Variants in CDK18 observed in about 807,000 individuals in gnomAD.
CDK18 encodes cyclin-dependent kinase 18.
Under a neutral mutation model 62.0 loss-of-function variants are expected in CDK18, and 52 were observed. The ratio of observed to expected loss-of-function variants is 0.84; its 90% CI spans 0.67 to 1.06. The LOEUF (loss-of-function observed/expected upper bound fraction) is 1.06. Ranked by LOEUF, CDK18 falls within the 50% of genes least tolerant of loss-of-function variation. CDK18 has a pLI of 0.00. For missense variants in CDK18, 604 were observed against 619.9 expected, an observed-to-expected ratio of 0.97 and a Z score of 0.27; for synonymous variants, 237 against 247.0, an observed-to-expected ratio of 0.96 and a Z score of 0.38.
chr1:205,521,991 G>A (rs554470762), intron 1 of CDK18, among the ~76,000 whole-genome samples: 2 of 152,330 alleles, frequency 1.3e-5, no homozygotes, highest in South Asian at 2.1e-4. Context: ...TTGCCAGCAT[G>A]GGTGGAAGCC....
rs1668227505 is a variant in CDK18, at chr1:205,523,245, C to T, written c.78C>T (p.Ser26=). The part of the protein sequence containing the change: ...SVPRTETIEE[S]LAEFTEQFNQ... The stretch of plus-strand genomic sequence containing the variant: ...CCCGCACTGAGACCATTGAAGAATC[C>T]TTGGCTGAATTCACGGAGCAATTCA... Residue 26 remains serine, a synonymous_variant, in exon 2 of 16, where the codon TCC becomes TCT. Transcript: ENST00000429964. 1 of 1,614,162 alleles carries T rather than the reference C, an allele frequency of 6.2e-7. No homozygotes were observed. The highest frequency in any genetic ancestry group is 8.5e-7 in the Non-Finnish European group (1 of 1,180,014).
At chr1:205,521,287 C>T (rs1668114380) in intron 1 of CDK18, among the ~76,000 whole-genome samples, 1 of 152,254 alleles carries the variant, frequency 6.6e-6, no homozygotes, top group Non-Finnish European at 1.5e-5. Context: ...TCTCCACTCA[C>T]TGCAACCTCC....
In CDK18 at chr1:205,511,050, G is replaced by T. The variant is rs193143211; in HGVS notation, c.-22+6254G>T. On this transcript the variant is annotated intron_variant, in intron 1 of 15. Transcript: ENST00000429964. ...CTACCTCGCAAAGAAATGGATGCTG[G>T]ATTCAAACACTACACAGGCACTGGA... Among the ~76,000 whole-genome samples, 22 of 152,344 alleles carry T rather than the reference G, an allele frequency of 1.4e-4. No individual in the cohort carries two copies. The East Asian group carries it at 4.2e-3, about 29-fold the overall frequency.
Position 205,530,319 on chromosome 1 carries a change from C to G in CDK18, c.1282C>G (p.Leu428Val), listed in dbSNP as rs776909148. ...CCTGAGTCACTCCTACTTCCGGTCT[C>G]TGGGAGAGCGTGTGCACCAGCTTGA... ...AALSHSYFRS[L>V]GERVHQLEDT... is the part of the protein sequence containing the mutation. Residue 428 changes from leucine (L) to valine (V), a missense_variant, in exon 14 of 16, where the codon CTG becomes GTG. Coordinates refer to ENST00000429964, the MANE Select transcript of CDK18 (RefSeq NM_212502.3). The G allele has an allele frequency of 6.2e-7, 1 of 1,613,252 alleles. No homozygotes were observed. The highest frequency in any genetic ancestry group is 2.2e-5 in the East Asian group (1 of 44,892).
intron 1 of CDK18, among the ~76,000 whole-genome samples, chr1:205,520,280 A>C (rs1668052061): frequency 6.6e-6 from 1 of 152,162 alleles, no homozygotes; most frequent in Non-Finnish European, 1.5e-5. Flanking sequence ...ATCATTGGAG[A>C]TGTTTTTTCA....
At chr1:205,513,229 A>G (rs1259331499) in intron 1 of CDK18, among the ~76,000 whole-genome samples, 2 of 152,228 alleles carry the variant, frequency 1.3e-5, no homozygotes, top group African/African-American at 4.8e-5. Context: ...GAGGGCTGAT[A>G]AAAGGAGCAG....
chr1:205,519,393 G>T (rs1329216311), intron 1 of CDK18, among the ~76,000 whole-genome samples: 1 of 151,862 alleles, frequency 6.6e-6, no homozygotes, highest in Non-Finnish European at 1.5e-5. Flanking sequence ...CCACTCTGCT[G>T]TGGTCACCAC....
chr1:205,521,223 G>GT (rs1034775242), intron 1 of CDK18, among the ~76,000 whole-genome samples: 1 of 152,156 alleles, frequency 6.6e-6, no homozygotes, highest in Non-Finnish European at 1.5e-5. Flanking sequence ...TGGTTTGTTT[G>GT]TTTTTTAAGA....
In CDK18 at chr1:205,528,977, C is replaced by T. The variant is rs534685414; in HGVS notation, c.975-22C>T. ...GGCGGCCGCCCCTGCCTGATGCCGA[C>T]CCTACCCCTTGCTCCTCGCAGGGGC... is the stretch of plus-strand genomic sequence containing the variant. On this transcript the variant is annotated intron_variant, in intron 10 of 15. Coordinates refer to ENST00000429964, the MANE Select transcript of CDK18 (RefSeq NM_212502.3). This position sits in a 1 kb window ranked among gnomAD's most constrained non-coding sequence, Gnocchi z 4.2. 1.1e-4 allele frequency: 163 copies of T among 1,534,060 alleles called. 1 individual carries two copies. The South Asian group carries it at 1.4e-3, about 13-fold the overall frequency.
Position 205,528,783 on chromosome 1 carries a change from GC to G in CDK18, c.975-215del. The G allele has an allele frequency of 2.1e-6, 1 of 466,450 alleles. No homozygotes were observed. Among genetic ancestry groups the G allele is most frequent in the South Asian group, 5.0e-5 (1 of 20,146 alleles). 28.9% of individuals were successfully genotyped at this position (466,450 alleles called of 1,614,324 possible). ...GGACTTTCCTCACAGAGTGAAAGTC[GC>G]AGCTTTCCCGAGCCCAGGGAAGCCC... On this transcript the variant is annotated intron_variant, in intron 10 of 15. Transcript: ENST00000429964. This position sits in a 1 kb window ranked among gnomAD's most constrained non-coding sequence, Gnocchi z 4.2.
At chr1:205,524,139 G>A (rs1668292218) in intron 3 of CDK18, 93 bp from the exon 4 acceptor site, 1 of 1,450,900 alleles carries the variant, frequency 6.9e-7, no homozygotes, top group Non-Finnish European at 9.6e-7. Context: ...GTTCTGCAGG[G>A]AACGCTAGGT....
chr1:205,532,342 G>A lies in CDK18; in HGVS notation c.*964G>A, dbSNP rs1378881507. 6.5e-6 allele frequency: 1 copy of A among 152,706 alleles called. No individual in the cohort carries two copies. Among genetic ancestry groups the A allele is most frequent in the Non-Finnish European group, 1.5e-5 (1 of 68,136 alleles). 9.5% of individuals were successfully genotyped at this position (152,706 alleles called of 1,614,324 possible). On this transcript the variant is annotated 3_prime_UTR_variant, in exon 16 of 16. Transcript: ENST00000429964. ...CAGAGTCACCCTGACACTGGTGCCA[G>A]GCTGACCTCAGCTCCCGAAGGCTCG...
At position 205,527,506 on chromosome 1, in the gene CDK18, C is replaced by A; in HGVS notation, c.730-288C>A. 11 of 299,858 alleles carry A rather than the reference C, an allele frequency of 3.7e-5. No homozygotes were observed. Among genetic ancestry groups the A allele is most frequent in the Middle Eastern group, 1.1e-3 (1 of 930 alleles). 18.6% of individuals were successfully genotyped at this position (299,858 alleles called of 1,614,324 possible). A position where few individuals can be genotyped will look rare whatever the true frequency, so the allele number is the denominator to read the frequency against. ...AAAGAAAAAAAAAAAAAAAAGGGAT[C>A]AAGCACATATGTCTCCACATAGGCG... On this transcript the variant is annotated intron_variant, in intron 8 of 15. Coordinates refer to ENST00000429964, the MANE Select transcript of CDK18 (RefSeq NM_212502.3). The surrounding 1 kb of genome is among the most constrained non-coding windows in gnomAD (Gnocchi z 4.1).
chr1:205,526,952 C>A, intron 8 of CDK18, 115 bp downstream of exon 8: 1 of 815,542 alleles, frequency 1.2e-6, no homozygotes, highest in East Asian at 2.5e-5. Context: ...CAGACCTTCC[C>A]ACGTAGGAAA....
At chr1:205,510,069 G>T (rs187080378) in intron 1 of CDK18, among the ~76,000 whole-genome samples, 6 of 148,436 alleles carry the variant, frequency 4.0e-5, no homozygotes, top group Admixed American at 2.7e-4. Flanking sequence ...GACAGAGCAA[G>T]ACTTTGTCTC....
chr1:205,531,430 A>C lies in CDK18; in HGVS notation c.*52A>C. 1.3e-6 allele frequency: 2 copies of C among 1,555,952 alleles called. No individual in the cohort carries two copies. Among genetic ancestry groups the C allele is most frequent in the Non-Finnish European group, 1.8e-6 (2 of 1,126,684 alleles). ...GGACAAGAGATCACATGGAGCACAA[A>C]TTCGGGTAGGATGGAGCCTGTGTGG... On this transcript the variant is annotated 3_prime_UTR_variant, in exon 16 of 16. Transcript: ENST00000429964.
At chr1:205,521,092 C>T (rs1668098934) in intron 1 of CDK18, among the ~76,000 whole-genome samples, 1 of 152,212 alleles carries the variant, frequency 6.6e-6, no homozygotes, top group Non-Finnish European at 1.5e-5. Context: ...TTTCAGCTAC[C>T]TTCTCATCAA....
chr1:205,529,689 G>C lies in CDK18; in HGVS notation c.1221+126G>C. The C allele has an allele frequency of 3.2e-6, 5 of 1,558,140 alleles. 1 individual carries two copies. The South Asian group carries it at 5.9e-5, about 18-fold the overall frequency. ...TACACGTCTTTGAAACATCTCCCCT[G>C]TACTCTCCACCCCCAAGGCCAAGGG... On this transcript the variant is annotated intron_variant, in intron 13 of 15. Coordinates refer to ENST00000429964, the MANE Select transcript of CDK18 (RefSeq NM_212502.3).
At chr1:205,520,274 T>C (rs1052457999) in intron 1 of CDK18, among the ~76,000 whole-genome samples, 2 of 152,222 alleles carry the variant, frequency 1.3e-5, no homozygotes, top group Non-Finnish European at 2.9e-5. Context: ...GTGTACATCA[T>C]TGGAGATGTT....
Sources: allele counts gnomAD v4.1 joint callset (sites outside exome capture counted in the v4.1 genomes callset), GRCh38; gene constraint gnomAD v4.1.1; non-coding constraint Gnocchi (gnomAD v3.1); transcripts MANE v1.5; gene names NCBI Gene and HGNC (gene_info 2026-07-23, HGNC 2026-07-21).